The following MLLT1 variants were observed in gnomAD, a reference collection of about 807,000 sequenced individuals.
MLLT1 encodes MLLT1 super elongation complex subunit, also known as protein ENL.
Under a neutral mutation model 55.1 loss-of-function variants are expected in MLLT1, and 11 were observed. That is an observed-to-expected ratio of 0.20 (90% CI 0.13 to 0.33). The LOEUF (loss-of-function observed/expected upper bound fraction) is 0.33, where lower values mean the gene tolerates loss of function less well. MLLT1 is among the 10% of genes least tolerant of loss of function. MLLT1 has a pLI of 1.00. For missense variants in MLLT1, 536 were observed against 760.6 expected (o/e 0.70, Z 3.47); for synonymous variants, 323 against 320.1 (o/e 1.01, Z -0.10).
At chr19:6,268,120 CTG>C (rs1555711178) in intron 2 of MLLT1, among the ~76,000 whole-genome samples, 5 of 152,132 alleles carry the variant, frequency 3.3e-5, no homozygotes, top group Non-Finnish European at 7.3e-5. Context: ...AAGCATATGG[CTG>C]TGTGGGTGTA....
chr19:6,266,520 G>A (rs1198300658), intron 2 of MLLT1, among the ~76,000 whole-genome samples: 1 of 152,018 alleles, frequency 6.6e-6, no homozygotes, highest in Non-Finnish European at 1.5e-5. Context: ...GCAGTGGTAC[G>A]ACCTCAGCTC....
At chr19:6,264,555 T>A (rs1029244506) in intron 2 of MLLT1, among the ~76,000 whole-genome samples, 1 of 151,178 alleles carries the variant, frequency 6.6e-6, no homozygotes, top group Non-Finnish European at 1.5e-5. Flanking sequence ...CAAGAGTCAA[T>A]GTCCTCAGAT....
Position 6,216,506 on chromosome 19 carries a change from C to A in MLLT1, c.1206G>T (p.Leu402=). Residue 402 remains leucine, a synonymous_variant, in exon 8 of 12, where the codon CTG becomes CTT. Coordinates refer to ENST00000252674, the MANE Select transcript of MLLT1 (RefSeq NM_005934.4). ...EPSQNHSQGP[L]RSMVEDLQSE... is the part of the protein sequence containing the mutation. ...ACTGCAGGTCCTCCACCATGGAGCG[C>A]AGGGGTCCTGGGGAGGCGGGGCAGG... 1 of 1,594,442 alleles carries A rather than the reference C, an allele frequency of 6.3e-7. No individual in the cohort carries two copies. The highest frequency in any genetic ancestry group is 8.5e-7 in the Non-Finnish European group (1 of 1,171,224).
chr19:6,275,047 C>T (rs968356888), intron 1 of MLLT1, among the ~76,000 whole-genome samples: 1 of 152,350 alleles, frequency 6.6e-6, no homozygotes, highest in Non-Finnish European at 1.5e-5. Flanking sequence ...GGCAAAGAGC[C>T]GCGAGCCAGC....
In MLLT1 at chr19:6,211,170, C is replaced by T. The variant is rs1482347792; in HGVS notation, c.*1872G>A. 4.3e-6 allele frequency: 1 copy of T among 232,794 alleles called. No individual in the cohort carries two copies. Among genetic ancestry groups the T allele is most frequent in the African/African-American group, 2.2e-5 (1 of 45,340 alleles). 14.4% of individuals were successfully genotyped at this position (232,794 alleles called of 1,614,324 possible). ...GCAGCACGGGCCCCCGGTCAGCCCCCCTCAGGCCAGTTCCTTCAGTCCAAT... is the reference window on the plus strand; with the variant it reads ...GCAGCACGGGCCCCCGGTCAGCCCCTCTCAGGCCAGTTCCTTCAGTCCAAT... On this transcript the variant is annotated 3_prime_UTR_variant, in exon 12 of 12. Coordinates refer to ENST00000252674, the MANE Select transcript of MLLT1 (RefSeq NM_005934.4). The surrounding 1 kb of genome is among the most constrained non-coding windows in gnomAD (Gnocchi z 4.6).
chr19:6,212,244 G>C lies in MLLT1; in HGVS notation c.*798C>G. 9.4e-7 allele frequency: 1 copy of C among 1,065,770 alleles called. No individual in the cohort carries two copies. Among genetic ancestry groups the C allele is most frequent in the South Asian group, 4.5e-5 (1 of 21,986 alleles). 66.0% of individuals were successfully genotyped at this position (1,065,770 alleles called of 1,614,324 possible). ...CTGAGGACTCGCTGCCCTTTGTAGT[G>C]TTGGCTGACCCCCCCGGGAGCCCCG... On this transcript the variant is annotated 3_prime_UTR_variant, in exon 12 of 12. Transcript: ENST00000252674.
At chr19:6,249,797 C>T (rs370279141) in intron 3 of MLLT1, among the ~76,000 whole-genome samples, 4 of 152,052 alleles carry the variant, frequency 2.6e-5, no homozygotes, top group African/African-American at 9.7e-5. Flanking sequence ...TCTAGGTGGG[C>T]GGATCGCTTG....
intron 3 of MLLT1, among the ~76,000 whole-genome samples, chr19:6,248,391 T>C (rs947078795): frequency 6.6e-6 from 1 of 152,202 alleles, no homozygotes; most frequent in African/African-American, 2.4e-5. Flanking sequence ...GGGCTGGACT[T>C]AGTGACCTGC....
At position 6,229,966 on chromosome 19, in the gene MLLT1, G is replaced by C. The variant is rs1426099394; in HGVS notation, c.420+604C>G. ...CCTGGGCCCTGAAGGTGGCATTGCT[G>C]TTCTGTGACCAGGCCTCAGCCTGCA... On this transcript the variant is annotated intron_variant, in intron 4 of 11. Coordinates refer to ENST00000252674, the MANE Select transcript of MLLT1 (RefSeq NM_005934.4). The surrounding 1 kb of genome is among the most constrained non-coding windows in gnomAD (Gnocchi z 5.2). 6.6e-6 allele frequency among the ~76,000 whole-genome samples: 1 copy of C among 152,126 alleles called. No homozygotes were observed. Among genetic ancestry groups the C allele is most frequent in the Non-Finnish European group, 1.5e-5 (1 of 68,006 alleles).
chr19:6,264,848 T>C (rs999833223), intron 2 of MLLT1, among the ~76,000 whole-genome samples: 10 of 129,138 alleles, frequency 7.7e-5, no homozygotes, highest in African/African-American at 2.7e-4. Flanking sequence ...TGAGCCAAGA[T>C]AGTGCCACTG....
In MLLT1 at chr19:6,222,192, G is replaced by T. The variant is rs777499116; in HGVS notation, c.1039C>A (p.Pro347Thr). ...TCCAGGGCCTTTTTGGCCTCCCGGGGCTCACTCTCGGCCTTCACCTTCTCC... is the reference window on the plus strand; with the variant it reads ...TCCAGGGCCTTTTTGGCCTCCCGGGTCTCACTCTCGGCCTTCACCTTCTCC... ...RGEKVKAESE[P>T]REAKKALEVE... Residue 347 changes from proline (P) to threonine (T), a missense_variant, in exon 6 of 12, where the codon CCC (proline) becomes ACC (threonine). Transcript: ENST00000252674. The surrounding 1 kb of genome is among the most constrained non-coding windows in gnomAD (Gnocchi z 4.1). 3 of 1,600,978 alleles carry T rather than the reference G, an allele frequency of 1.9e-6. No individual in the cohort carries two copies. In the Admixed American group the frequency reaches 5.2e-5, roughly 28 times the overall value.
chr19:6,227,055 G>T lies in MLLT1; in HGVS notation c.468C>A (p.Pro156=). The change falls in exon 5 of 12, where the codon CCC becomes CCA. Residue 156 remains proline (P), a synonymous_variant. Transcript: ENST00000252674. The surrounding 1 kb of genome is among the most constrained non-coding windows in gnomAD (Gnocchi z 5.1). ...GAATTGTGGGTAACATGGGGTAGTC[G>T]GGACTGGGCCTGGACACCGTGTCTG... ...EGADTVSRPS[P]DYPMLPTIPL... 1 of 1,607,126 alleles carries T rather than the reference G, an allele frequency of 6.2e-7. No individual in the cohort carries two copies. Among genetic ancestry groups the T allele is most frequent in the African/African-American group, 1.3e-5 (1 of 74,632 alleles).
In MLLT1 at chr19:6,230,688, G is replaced by C; in HGVS notation, c.302C>G (p.Thr101Ser). ...TTCCAGGTTCAGGAACAGGTCGTAG[G>C]TGAAGCAGACCTTCCTCGGCTCCTC... Reference protein sequence around the residue: ...NKEEPRKVCFTYDLFLNLEGN... With the variant: ...NKEEPRKVCFSYDLFLNLEGN... Residue 101 changes from threonine (T) to serine (S), a missense_variant, in exon 4 of 12, where the codon ACC becomes AGC. By Grantham distance (58) the Thr-to-Ser change is moderately conservative. Transcript: ENST00000252674. This position sits in a 1 kb window ranked among gnomAD's most constrained non-coding sequence, Gnocchi z 9.0. The C allele has an allele frequency of 6.2e-7, 1 of 1,614,084 alleles. No individual in the cohort carries two copies.
chr19:6,221,629 G>A (rs1366265251), intron 6 of MLLT1, among the ~76,000 whole-genome samples: 4 of 152,216 alleles, frequency 2.6e-5, no homozygotes, highest in Admixed American at 2.0e-4. Context: ...AGCCGGGCAC[G>A]GACCTGTTGC....
Position 6,270,560 on chromosome 19 carries a change from A to G in MLLT1, c.193+19T>C. 6.2e-7 allele frequency: 1 copy of G among 1,600,736 alleles called. No individual in the cohort carries two copies. Reference sequence around the variant, plus strand: ...AGATGGGTCCGTGCTGTGGGCACTCAGGGCTTGAGGCCACTCACCGCGTCT... The same window carrying G: ...AGATGGGTCCGTGCTGTGGGCACTCGGGGCTTGAGGCCACTCACCGCGTCT... On this transcript the variant is annotated intron_variant, in intron 2 of 11. Coordinates refer to ENST00000252674, the MANE Select transcript of MLLT1 (RefSeq NM_005934.4). This position sits in a 1 kb window ranked among gnomAD's most constrained non-coding sequence, Gnocchi z 7.1.
chr19:6,257,396 T>TAA (rs35846864), intron 3 of MLLT1, among the ~76,000 whole-genome samples: 5 of 119,352 alleles, frequency 4.2e-5, no homozygotes, highest in East Asian at 5.2e-4. Flanking sequence ...ATGAAGAATG[T>TAA]AAAAAAAAAA....
At position 6,227,205 on chromosome 19, in the gene MLLT1, G is replaced by A. The variant is rs1024728914; in HGVS notation, c.421-103C>T. Reference sequence around the variant, plus strand: ...GGCTTCCCTCTGCAGGAGGGGAGAAGGGAGAGCCTGAGCGCTTTCCCGAAA... The same window carrying A: ...GGCTTCCCTCTGCAGGAGGGGAGAAAGGAGAGCCTGAGCGCTTTCCCGAAA... On this transcript the variant is annotated intron_variant, in intron 4 of 11. Transcript: ENST00000252674. This position sits in a 1 kb window ranked among gnomAD's most constrained non-coding sequence, Gnocchi z 5.1. 8 of 1,259,652 alleles carry A rather than the reference G, an allele frequency of 6.4e-6. No individual in the cohort carries two copies. Among genetic ancestry groups the A allele is most frequent in the South Asian group, 1.5e-5 (1 of 67,562 alleles). The allele number at this position is 1,259,652 out of a possible 1,614,324, so 78.0% of individuals were successfully genotyped here.
At chr19:6,215,369 G>A (rs1225113107) in intron 8 of MLLT1, among the ~76,000 whole-genome samples, 3 of 152,220 alleles carry the variant, frequency 2.0e-5, no homozygotes, top group Admixed American at 1.3e-4. Context: ...AACGAGGCGG[G>A]AGCCTGCTTC....
At chr19:6,247,132 G>A (rs368564630) in intron 3 of MLLT1, among the ~76,000 whole-genome samples, 1 of 152,254 alleles carries the variant, frequency 6.6e-6, no homozygotes, top group South Asian at 2.1e-4. Flanking sequence ...AGCCTCAGAG[G>A]AACGTACGTT....
Sources: allele counts gnomAD v4.1 joint callset (sites outside exome capture counted in the v4.1 genomes callset), GRCh38; gene constraint gnomAD v4.1.1; non-coding constraint Gnocchi (gnomAD v3.1); transcripts MANE v1.5; gene names NCBI Gene and HGNC (gene_info 2026-07-23, HGNC 2026-07-21).